Variants in DCUN1D1 observed in about 807,000 individuals in gnomAD.
DCUN1D1 encodes DCN1-like protein 1.
A neutral mutation model predicts 39.0 loss-of-function variants in DCUN1D1; 3 were observed. That is an observed-to-expected ratio of 0.08 (90% CI 0.04 to 0.20). The LOEUF is 0.20. Among genes scored for constraint, DCUN1D1 ranks in the 10% least tolerant of loss-of-function variants. The probability of loss-of-function intolerance (pLI) is 1.00; values close to 1 mark genes in which losing one functional copy is unlikely to be tolerated. For missense variants in DCUN1D1, 158 were observed against 302.4 expected (o/e 0.52, Z 3.54); for synonymous variants, 82 against 96.3 (o/e 0.85, Z 0.87).
chr3:182,984,619 CA>C (rs1728667349), upstream of DCUN1D1, among the ~76,000 whole-genome samples: 1 of 152,084 alleles, frequency 6.6e-6, no homozygotes, highest in South Asian at 2.1e-4. Context: ...AACACATACA[CA>C]CACACTCCCT....
chr3:182,979,939 A>ATTGG (rs1728442773), intron 1 of DCUN1D1: 1 of 153,646 alleles, frequency 6.5e-6, no homozygotes, highest in African/African-American at 2.4e-5. Flanking sequence ...CCCCGCCCCA[A>ATTGG]GCAAAACTGC....
upstream of DCUN1D1, chr3:182,980,724 C>A (rs1728508409): frequency 1.1e-5 from 2 of 176,280 alleles, no homozygotes; most frequent in Admixed American, 6.9e-5. Flanking sequence ...GGGGAGTGGG[C>A]GGGGGCGGGG....
chr3:182,956,215 C>T, intron 4 of DCUN1D1: 1 of 268,972 alleles, frequency 3.7e-6, no homozygotes, highest in Admixed American at 3.6e-5. Flanking sequence ...GCGTGAGCCA[C>T]CATGCCCAGT....
At chr3:182,979,863 G>T (rs904661012) in intron 1 of DCUN1D1, among the ~76,000 whole-genome samples, 3 of 152,088 alleles carry the variant, frequency 2.0e-5, no homozygotes, top group African/African-American at 7.2e-5. Flanking sequence ...ACTGGCCGGG[G>T]AAACTCTCCT....
intron 3 of DCUN1D1, 91 bp from the exon 4 acceptor site, chr3:182,961,447 T>C (rs1162029707): frequency 1.7e-6 from 2 of 1,160,540 alleles, no homozygotes; most frequent in Non-Finnish European, 1.2e-6. Context: ...ATTTATTTCC[T>C]AGAACTACTT....
chr3:182,966,167 C>A (rs1411936793), intron 1 of DCUN1D1, among the ~76,000 whole-genome samples: 1 of 152,054 alleles, frequency 6.6e-6, no homozygotes, highest in Non-Finnish European at 1.5e-5. Context: ...ATGATCTGCC[C>A]AGTCAGCAAA....
In DCUN1D1 at chr3:182,947,639, T is replaced by G. The variant is rs113566850; in HGVS notation, c.521-7A>C. The stretch of plus-strand genomic sequence containing the variant: ...GCAATGGCCATTTCTAGATCTGAAA[T>G]AGTAAAAATGAATTATGTATTTAAA... On this transcript the variant is annotated splice_region_variant and splice_polypyrimidine_tract_variant and intron_variant, in intron 4 of 6. Transcript: ENST00000292782. 6.8e-7 allele frequency: 1 copy of G among 1,472,054 alleles called. No individual in the cohort carries two copies. The highest frequency in any genetic ancestry group is 2.3e-5 in the East Asian group (1 of 43,796). The allele number at this position is 1,472,054 out of a possible 1,614,324, so 91.2% of individuals were successfully genotyped here.
chr3:182,977,415 T>C (rs548744566), intron 1 of DCUN1D1, among the ~76,000 whole-genome samples: 43 of 152,140 alleles, frequency 2.8e-4, no homozygotes, highest in Non-Finnish European at 5.4e-4. Flanking sequence ...TGCCATCTTA[T>C]AAATAAAACA....
chr3:182,971,508 G>A (rs1727933923), intron 1 of DCUN1D1, among the ~76,000 whole-genome samples: 1 of 151,598 alleles, frequency 6.6e-6, no homozygotes, highest in African/African-American at 2.4e-5. Flanking sequence ...GGGAGATAGA[G>A]GCTGCAGTGA....
chr3:182,979,609 CA>C (rs1728421014), intron 1 of DCUN1D1, among the ~76,000 whole-genome samples: 1 of 148,742 alleles, frequency 6.7e-6, no homozygotes, highest in African/African-American at 2.4e-5. Flanking sequence ...TTCCCCCCCC[CA>C]AACAAAAAAG....
At chr3:182,969,993 G>T (rs975113854) in intron 1 of DCUN1D1, among the ~76,000 whole-genome samples, 13 of 152,106 alleles carry the variant, frequency 8.5e-5, no homozygotes, top group Middle Eastern at 3.2e-3. Context: ...AGTAACTCAC[G>T]CCTGTAATCC....
At chr3:182,956,538 T>A (rs1727075302) in intron 4 of DCUN1D1, among the ~76,000 whole-genome samples, 1 of 152,234 alleles carries the variant, frequency 6.6e-6, no homozygotes, top group Admixed American at 6.5e-5. Flanking sequence ...ATCTATATGA[T>A]GGAGAAGATA....
chr3:182,946,052 C>T (rs1301612579), intron 6 of DCUN1D1, among the ~76,000 whole-genome samples: 1 of 151,578 alleles, frequency 6.6e-6, no homozygotes, highest in Non-Finnish European at 1.5e-5. Flanking sequence ...AAAATATCTC[C>T]ATCTTGCATC....
intron 1 of DCUN1D1, among the ~76,000 whole-genome samples, chr3:182,966,645 C>T (rs901271331): frequency 6.6e-6 from 1 of 152,196 alleles, no homozygotes. Flanking sequence ...AGACCATGTT[C>T]TCCCTTCCCT....
intron 1 of DCUN1D1, among the ~76,000 whole-genome samples, chr3:182,976,446 C>CAT (rs1199164160): frequency 4.1e-4 from 5 of 12,110 alleles, no homozygotes; most frequent in Non-Finnish European, 2.0e-3. Context: ...TACATACATA[C>CAT]ACACACACAC....
chr3:182,956,129 T>C (rs1427963976), intron 4 of DCUN1D1: 1 of 193,794 alleles, frequency 5.2e-6, no homozygotes, highest in Non-Finnish European at 1.1e-5. Flanking sequence ...AGTTTCACCA[T>C]GTTGGTAAGG....
At position 182,940,266 on chromosome 3, in the gene DCUN1D1, T is replaced by A. The variant is rs1393342975; in HGVS notation, c.*4828A>T. The A allele has an allele frequency of 6.6e-6, 1 of 152,196 alleles. No homozygotes were observed. Among genetic ancestry groups the A allele is most frequent in the Non-Finnish European group, 1.5e-5 (1 of 68,038 alleles). The allele number at this position is 152,196 out of a possible 1,614,324, so 9.4% of individuals were successfully genotyped here. On this transcript the variant is annotated 3_prime_UTR_variant, in exon 7 of 7. Transcript: ENST00000292782. ...AATATTTCATAACCTGAAATAAAATTATAATATTCATATGAACATGCATTT... is the reference window on the plus strand; with the variant it reads ...AATATTTCATAACCTGAAATAAAATAATAATATTCATATGAACATGCATTT...
chr3:182,961,437 A>G (rs1013881474), intron 3 of DCUN1D1, 81 bp from the exon 4 acceptor site: 6 of 1,236,846 alleles, frequency 4.9e-6, no homozygotes, highest in Non-Finnish European at 6.8e-6. Flanking sequence ...GAGGGCTTAC[A>G]TTTATTTCCT....
rs577734626 is a variant in DCUN1D1 at position 182,962,128 on chromosome 3, A to G, written c.390-772T>C. The stretch of plus-strand genomic sequence containing the variant: ...AAATTTTGATTTGAAAGTTCATTAC[A>G]TATTACATGAATTCAGTTTCAAATG... On this transcript the variant is annotated intron_variant, in intron 3 of 6. Coordinates refer to ENST00000292782, the MANE Select transcript of DCUN1D1 (RefSeq NM_020640.4). Among the ~76,000 whole-genome samples, 8 of 152,320 alleles carry G rather than the reference A, an allele frequency of 5.3e-5. No homozygotes were observed. The South Asian group carries it at 8.3e-4, about 16-fold the overall frequency.
Sources: gnomAD v4.1 joint callset for allele counts (sites outside exome capture counted in the v4.1 genomes callset) on GRCh38, gnomAD v4.1.1 for gene constraint, MANE v1.5 for transcripts, NCBI Gene and HGNC (gene_info 2026-07-23, HGNC 2026-07-21) for gene names.